GLRA3: variants seen among roughly 807,000 people sequenced by gnomAD.
The protein encoded by GLRA3 is glycine receptor subunit alpha-3.
In GLRA3, 44 loss-of-function variants were observed where a neutral mutation model predicts 60.4. That is an observed-to-expected ratio of 0.73 (90% confidence interval 0.57 to 0.94). The LOEUF (loss-of-function observed/expected upper bound fraction) is 0.94. Among genes scored for constraint, GLRA3 ranks in the 40% least tolerant of loss-of-function variants. The probability of loss-of-function intolerance (pLI) is 0.00; values close to 1 mark genes in which losing one functional copy is unlikely to be tolerated. For missense variants in GLRA3, 508 were observed against 564.6 expected, an observed-to-expected ratio of 0.90 and a Z score of 1.02; for synonymous variants, 223 against 192.9, an observed-to-expected ratio of 1.16 and a Z score of -1.29.
intron 1 of GLRA3, among the ~76,000 whole-genome samples, chr4:174,798,920 G>GA (rs1739693222): frequency 1.4e-5 from 2 of 147,482 alleles, no homozygotes; most frequent in Admixed American, 6.7e-5. Context: ...GACTCTGCCT[G>GA]AAAAAAGGAA....
chr4:174,643,582 C>A lies in GLRA3; in HGVS notation c.*204G>T. 8.0e-7 allele frequency: 1 copy of A among 1,243,188 alleles called. No homozygotes were observed. The highest frequency in any genetic ancestry group is 1.0e-6 in the Non-Finnish European group (1 of 986,956). 77.0% of individuals were successfully genotyped at this position (1,243,188 alleles called of 1,614,324 possible). On this transcript the variant is annotated 3_prime_UTR_variant, in exon 10 of 10. Transcript: ENST00000274093. ...CTGGAATTAATATGAAATAGAATCC[C>A]CTAATAAATATTTTATATTCATTAA...
chr4:174,653,224 T>C (rs1056412767), intron 9 of GLRA3, among the ~76,000 whole-genome samples: 2 of 152,050 alleles, frequency 1.3e-5, no homozygotes, highest in Non-Finnish European at 2.9e-5. Context: ...CAATGACTTA[T>C]TTTGTTGGGA....
At chr4:174,790,328 A>G (rs977439152) in intron 1 of GLRA3, among the ~76,000 whole-genome samples, 2 of 152,090 alleles carry the variant, frequency 1.3e-5, no homozygotes, top group Admixed American at 6.5e-5. Context: ...CCAAACTGTC[A>G]TTGTGATCAT....
At chr4:174,813,235 G>C (rs1740340834) in intron 1 of GLRA3, among the ~76,000 whole-genome samples, 1 of 152,158 alleles carries the variant, frequency 6.6e-6, no homozygotes, top group South Asian at 2.1e-4. Context: ...ACCTTTTACA[G>C]AGTGATGAGA....
At chr4:174,740,708 G>A (rs1269643721) in intron 3 of GLRA3, among the ~76,000 whole-genome samples, 2 of 152,202 alleles carry the variant, frequency 1.3e-5, no homozygotes, top group Non-Finnish European at 2.9e-5. Context: ...TCACAGGCAG[G>A]TTACAGAATA....
At chr4:174,679,890 G>T (rs920324436) in intron 6 of GLRA3, among the ~76,000 whole-genome samples, 2 of 152,156 alleles carry the variant, frequency 1.3e-5, no homozygotes, top group Non-Finnish European at 2.9e-5. Context: ...TGGTGAGTGG[G>T]TTTAAAAATA....
chr4:174,652,747 G>C (rs575800340), intron 9 of GLRA3, among the ~76,000 whole-genome samples: 2 of 152,154 alleles, frequency 1.3e-5, no homozygotes, highest in South Asian at 4.1e-4. Flanking sequence ...TACAGTCATT[G>C]AATAAAATTG....
At chr4:174,679,671 T>A (rs1452667089) in intron 6 of GLRA3, among the ~76,000 whole-genome samples, 1 of 152,172 alleles carries the variant, frequency 6.6e-6, no homozygotes, top group Non-Finnish European at 1.5e-5. Flanking sequence ...AAATGTAGTG[T>A]ATATACACAA....
chr4:174,762,018 G>GAA lies in GLRA3; in HGVS notation c.267+4944_267+4945insTT, dbSNP rs1737960712. Among the ~76,000 whole-genome samples, 3 of 152,050 alleles carry GAA rather than the reference G, an allele frequency of 2.0e-5. No homozygotes were observed. The South Asian group carries it at 6.2e-4, about 32-fold the overall frequency. ...ATCCTTTGTGCTTAGCAAAATGTTT[G>GAA]GTTCATTATATGCTCCCACAAAAAG... On this transcript the variant is annotated intron_variant, in intron 3 of 9. Transcript: ENST00000274093.
chr4:174,656,743 C>A lies in GLRA3; in HGVS notation c.1116G>T (p.Met372Ile). 1 of 1,543,164 alleles carries A rather than the reference C, an allele frequency of 6.5e-7. No homozygotes were observed. The highest frequency in any genetic ancestry group is 1.1e-5 in the South Asian group (1 of 89,420). The change falls in exon 9 of 10, where the codon ATG becomes ATT. Residue 372 changes from methionine to isoleucine, a missense_variant and splice_region_variant. Transcript: ENST00000274093. ...TTTAGAGTTAAGAAAGTCAATTTAC[C>A]ATATCTGAGAAACGGTAAAACTTCT... ...ALEKFYRFSD[M>I]DDEVRESRFS...
intron 1 of GLRA3, among the ~76,000 whole-genome samples, chr4:174,789,309 A>T (rs937417876): frequency 6.6e-6 from 1 of 152,228 alleles, no homozygotes; most frequent in Non-Finnish European, 1.5e-5. Context: ...TTAAAATTCA[A>T]CTGTGAACTA....
At chr4:174,668,597 T>C (rs1733773029) in intron 7 of GLRA3, among the ~76,000 whole-genome samples, 1 of 152,200 alleles carries the variant, frequency 6.6e-6, no homozygotes, top group Admixed American at 6.5e-5. Context: ...AGCTAAATTA[T>C]AACCCAGATG....
chr4:174,691,195 T>A (rs1390177086), intron 5 of GLRA3, among the ~76,000 whole-genome samples: 1 of 152,208 alleles, frequency 6.6e-6, no homozygotes, highest in African/African-American at 2.4e-5. Context: ...TTTTTTGACT[T>A]TTTAGTAATA....
At chr4:174,823,220 T>TA (rs1292271529) in intron 1 of GLRA3, among the ~76,000 whole-genome samples, 3 of 135,252 alleles carry the variant, frequency 2.2e-5, no homozygotes, top group African/African-American at 5.5e-5. Flanking sequence ...ATCCACCTAA[T>TA]AAAAAAACAA....
At chr4:174,671,770 C>T (rs113054812) in intron 7 of GLRA3, among the ~76,000 whole-genome samples, 25,036 of 152,066 alleles carry the variant, frequency 0.16, 2,658 homozygotes, top group South Asian at 0.28. Context: ...GTGCCTCAGC[C>T]TCTAGAGTAG....
rs1039626391 is a variant in GLRA3 at position 174,828,761 on chromosome 4, C to T, written c.51G>A (p.Trp17Ter). The change falls in exon 1 of 10, where the codon TGG (tryptophan) becomes TGA (stop). Residue 17 changes from tryptophan to a stop codon, truncating the protein, a stop_gained. Transcript: ENST00000274093. LOFTEE classifies it high-confidence loss of function. ...FRTLVSGFYFWEAALLLSLVA... is the reference protein window; with the variant it reads ...FRTLVSGFYF ...CTCACCTGAGTAACAGTGCTGCTTC[C>T]CAGAAGTAAAATCCCGAAACTAATG... is the stretch of plus-strand genomic sequence containing the variant. The T allele has an allele frequency of 8.1e-6, 13 of 1,610,856 alleles. No homozygotes were observed. The highest frequency in any genetic ancestry group is 1.0e-5 in the Non-Finnish European group (12 of 1,177,174).
At chr4:174,757,705 A>G (rs1327905007) in intron 3 of GLRA3, among the ~76,000 whole-genome samples, 8 of 152,258 alleles carry the variant, frequency 5.3e-5, no homozygotes, top group Non-Finnish European at 1.5e-5. Context: ...ATCTCTATCA[A>G]AGAATCTCAA....
At position 174,729,588 on chromosome 4, in the gene GLRA3, C is replaced by T. The variant is rs73004571; in HGVS notation, c.268-890G>A. 5.9e-4 allele frequency among the ~76,000 whole-genome samples: 90 copies of T among 152,196 alleles called. 1 individual carries two copies. The highest frequency in any genetic ancestry group is 5.4e-3 in the East Asian group (28 of 5,178). ...TATTGCTCACAATTTTGGACTAACGCGTAGAATGACAAATGTTGACAGCTG... is the reference window on the plus strand; with the variant it reads ...TATTGCTCACAATTTTGGACTAACGTGTAGAATGACAAATGTTGACAGCTG... On this transcript the variant is annotated intron_variant, in intron 3 of 9. Transcript: ENST00000274093.
At chr4:174,721,919 G>GTA (rs1454722253) in intron 4 of GLRA3, among the ~76,000 whole-genome samples, 6 of 151,360 alleles carry the variant, frequency 4.0e-5, no homozygotes, top group Non-Finnish European at 8.8e-5. Context: ...GTATATATGT[G>GTA]TATATATATA....
Sources: gnomAD v4.1 joint callset for allele counts (sites outside exome capture counted in the v4.1 genomes callset) on GRCh38, gnomAD v4.1.1 for gene constraint, MANE v1.5 for transcripts, NCBI Gene and HGNC (gene_info 2026-07-23, HGNC 2026-07-21) for gene names.